Variants in ATP1A1 observed in about 807,000 individuals in gnomAD.
The protein encoded by ATP1A1 is sodium/potassium-transporting ATPase subunit alpha-1.
In ATP1A1, 14 loss-of-function variants were observed where a neutral mutation model predicts 114.8. The ratio of observed to expected loss-of-function variants is 0.12; its 90% CI spans 0.08 to 0.19. The LOEUF (loss-of-function observed/expected upper bound fraction) is 0.19, where lower values mean the gene tolerates loss of function less well. Ranked by LOEUF, ATP1A1 falls within the 10% of genes least tolerant of loss-of-function variation. The pLI is 1.00. For missense variants in ATP1A1, 524 were observed against 1,290.7 expected, an observed-to-expected ratio of 0.41 and a Z score of 9.10; for synonymous variants, 471 against 466.3, an observed-to-expected ratio of 1.01 and a Z score of -0.13.
chr1:116,389,413 C>T lies in ATP1A1; in HGVS notation c.755-26C>T. Reference sequence around the variant, plus strand: ...CCTTCAGGTTAGATACAATTAGGTACAGTTCTCCCTCCCCTTCTTTTTAAG... The same window carrying T: ...CCTTCAGGTTAGATACAATTAGGTATAGTTCTCCCTCCCCTTCTTTTTAAG... On this transcript the variant is annotated intron_variant, in intron 7 of 22. Transcript: ENST00000295598. The surrounding 1 kb of genome is among the most constrained non-coding windows in gnomAD (Gnocchi z 6.9). 3 of 1,612,150 alleles carry T rather than the reference C, an allele frequency of 1.9e-6. No homozygotes were observed. The highest frequency in any genetic ancestry group is 2.5e-6 in the Non-Finnish European group (3 of 1,178,494).
At chr1:116,374,090 CCTT>C in intron 1 of ATP1A1, 11 of 1,442,224 alleles carry the variant, frequency 7.6e-6, no homozygotes, top group South Asian at 4.3e-5. Flanking sequence ...GTTCGGGGCT[CCTT>C]CTCCTGGGGA....
rs774963508 is a variant in ATP1A1, at chr1:116,398,815, A to C, written c.2293+26A>C. ...GTGAGAGCTATTTAAGGTGTACACC[A>C]AGATCTTATTCAGATACTGCCCATT... is the stretch of plus-strand genomic sequence containing the variant. On this transcript the variant is annotated intron_variant, in intron 16 of 22. Transcript: ENST00000295598. This position sits in a 1 kb window ranked among gnomAD's most constrained non-coding sequence, Gnocchi z 6.1. 2 of 1,612,648 alleles carry C rather than the reference A, an allele frequency of 1.2e-6. No individual in the cohort carries two copies. The highest frequency in any genetic ancestry group is 1.1e-5 in the South Asian group (1 of 91,030).
chr1:116,388,445 C>A lies in ATP1A1; in HGVS notation c.502-193C>A. The A allele has an allele frequency of 1.0e-6, 1 of 959,764 alleles. No homozygotes were observed. The highest frequency in any genetic ancestry group is 1.5e-6 in the Non-Finnish European group (1 of 658,662). The allele number at this position is 959,764 out of a possible 1,614,324, so 59.5% of individuals were successfully genotyped here. A position where few individuals can be genotyped will look rare whatever the true frequency, so the allele number is the denominator to read the frequency against. On this transcript the variant is annotated intron_variant, in intron 5 of 22. Transcript: ENST00000295598. The surrounding 1 kb of genome is among the most constrained non-coding windows in gnomAD (Gnocchi z 5.6). Reference sequence around the variant, plus strand: ...TTCTTTTGAATGTAAACTCTGAATACAGGCACACCATGTAACAGCAATATC... The same window carrying A: ...TTCTTTTGAATGTAAACTCTGAATAAAGGCACACCATGTAACAGCAATATC...
Position 116,388,011 on chromosome 1 carries a change from A to G in ATP1A1, c.388-120A>G, listed in dbSNP as rs1377301940. 8.9e-6 allele frequency: 6 copies of G among 675,904 alleles called. No homozygotes were observed. Among genetic ancestry groups the G allele is most frequent in the Non-Finnish European group, 5.1e-6 (2 of 394,166 alleles). The allele number at this position is 675,904 out of a possible 1,614,324, so 41.9% of individuals were successfully genotyped here. ...GGATAAATAAGAAAACATGAGTTCT[A>G]TATTTCTGAAATCTTGGTTTCTCTA... On this transcript the variant is annotated intron_variant, in intron 4 of 22. Transcript: ENST00000295598. The surrounding 1 kb of genome is among the most constrained non-coding windows in gnomAD (Gnocchi z 5.6).
intron 1 of ATP1A1, chr1:116,373,887 GA>G: frequency 7.7e-7 from 1 of 1,300,472 alleles, no homozygotes; most frequent in Non-Finnish European, 9.7e-7. Context: ...GCGGCCCCGG[GA>G]CTGAGCCGGC....
intron 8 of ATP1A1, 168 bp from the exon 9 acceptor site, chr1:116,390,045 G>A (rs987806241): frequency 1.4e-6 from 1 of 738,640 alleles, no homozygotes; most frequent in Non-Finnish European, 2.2e-6. Context: ...TTTCTGGAAG[G>A]AAGGGGAAGC....
At chr1:116,374,856 A>G (rs1458321976) in intron 1 of ATP1A1, among the ~76,000 whole-genome samples, 2 of 151,932 alleles carry the variant, frequency 1.3e-5, no homozygotes, top group African/African-American at 2.4e-5. Flanking sequence ...CTCCTTGGGG[A>G]CTCTAAGGGA....
At position 116,404,523 on chromosome 1, in the gene ATP1A1, C is replaced by T. The variant is rs1653813668; in HGVS notation, c.*79C>T. The T allele has an allele frequency of 6.5e-7, 1 of 1,533,144 alleles. No individual in the cohort carries two copies. The allele number at this position is 1,533,144 out of a possible 1,614,324, so 95.0% of individuals were successfully genotyped here. A position where few individuals can be genotyped will look rare whatever the true frequency, so the allele number is the denominator to read the frequency against. ...CCACCCCCTCTTTGTGTACTTCAGT[C>T]TTGGAGTTTGGAACTCTACCCTGGT... On this transcript the variant is annotated 3_prime_UTR_variant, in exon 23 of 23. Transcript: ENST00000295598. This position sits in a 1 kb window ranked among gnomAD's most constrained non-coding sequence, Gnocchi z 4.8.
At position 116,395,249 on chromosome 1, in the gene ATP1A1, T is replaced by G. The variant is rs1165061765; in HGVS notation, c.1800T>G (p.Pro600=). The change falls in exon 13 of 23, where the codon CCT becomes CCG. Residue 600 remains proline (P), a synonymous_variant. Coordinates refer to ENST00000295598, the MANE Select transcript of ATP1A1 (RefSeq NM_000701.8). The surrounding 1 kb of genome is among the most constrained non-coding windows in gnomAD (Gnocchi z 6.4). The stretch of plus-strand genomic sequence containing the variant: ...TTGACCCTCCACGGGCGGCCGTTCC[T>G]GATGCCGTGGGCAAATGTCGAAGTG... ...SMIDPPRAAV[P]DAVGKCRSAG... is the part of the protein sequence containing the mutation. The G allele has an allele frequency of 1.2e-6, 2 of 1,614,164 alleles. No individual in the cohort carries two copies. Among genetic ancestry groups the G allele is most frequent in the Non-Finnish European group, 1.7e-6 (2 of 1,180,004 alleles).
intron 1 of ATP1A1, among the ~76,000 whole-genome samples, chr1:116,375,199 G>T (rs958441572): frequency 1.3e-5 from 2 of 152,250 alleles, no homozygotes; most frequent in Non-Finnish European, 2.9e-5. Context: ...TGTGCCCCAA[G>T]CCTAGGAAGG....
intron 12 of ATP1A1, 145 bp from the exon 13 acceptor site, chr1:116,394,965 C>T (rs1652786761): frequency 2.6e-6 from 2 of 755,088 alleles, no homozygotes; most frequent in Admixed American, 2.7e-5. Context: ...TAAATAAAAC[C>T]CTCACTCTGT....
chr1:116,373,791 C>T, intron 1 of ATP1A1: 1 of 1,221,864 alleles, frequency 8.2e-7, no homozygotes, highest in African/African-American at 1.6e-5. Context: ...GGGCTGCGCG[C>T]CCCGGAGGCC....
chr1:116,389,302 C>A lies in ATP1A1; in HGVS notation c.755-137C>A. ...TCCCTTTGCCAAACAGCATGTACAG[C>A]CAAAGAGCTGGCCCTTAAAAAGTGC... On this transcript the variant is annotated intron_variant, in intron 7 of 22. Transcript: ENST00000295598. This position sits in a 1 kb window ranked among gnomAD's most constrained non-coding sequence, Gnocchi z 6.9. 1 of 1,165,914 alleles carries A rather than the reference C, an allele frequency of 8.6e-7. No individual in the cohort carries two copies. The highest frequency in any genetic ancestry group is 1.2e-6 in the Non-Finnish European group (1 of 822,496). 72.2% of individuals were successfully genotyped at this position (1,165,914 alleles called of 1,614,324 possible).
In ATP1A1 at chr1:116,390,410, T is replaced by G; in HGVS notation, c.1221T>G (p.Ser407Arg). Reference protein sequence around the residue: ...IHEADTTENQSGVSFDKTSAT... With the variant: ...IHEADTTENQRGVSFDKTSAT... ...AAGCTGATACGACAGAGAATCAGAG[T>G]GGTAAGGCCAGGGTTACCACACACC... Residue 407 changes from serine (S) to arginine (R), a missense_variant and splice_region_variant, in exon 9 of 23, where the codon AGT (serine) becomes AGG (arginine). By Grantham distance (110) the Ser-to-Arg change is moderately radical. Coordinates refer to ENST00000295598, the MANE Select transcript of ATP1A1 (RefSeq NM_000701.8). The G allele has an allele frequency of 6.2e-7, 1 of 1,613,870 alleles. No homozygotes were observed. Among genetic ancestry groups the G allele is most frequent in the Non-Finnish European group, 8.5e-7 (1 of 1,179,960 alleles).
Position 116,400,923 on chromosome 1 carries a change from C to T in ATP1A1, c.2635C>T (p.Leu879Phe), listed in dbSNP as rs976897509. The change falls in exon 19 of 23, where the codon CTC becomes TTC. Residue 879 changes from leucine (L) to phenylalanine (F), a missense_variant. Transcript: ENST00000295598. ...TGTGATTCTGGCTGAGAACGGCTTC[C>T]TCCCAATTCACCTGTTGGGCCTCCG... ...YFVILAENGF[L>F]PIHLLGLRVD... The T allele has an allele frequency of 3.1e-6, 5 of 1,614,224 alleles. No individual in the cohort carries two copies. The highest frequency in any genetic ancestry group is 1.6e-4 in the Middle Eastern group (1 of 6,062).
intron 1 of ATP1A1, among the ~76,000 whole-genome samples, chr1:116,379,792 G>A (rs1452384641): frequency 1.3e-5 from 2 of 152,052 alleles, no homozygotes; most frequent in East Asian, 3.8e-4. Context: ...ATAATGTATC[G>A]ACCAGGAAAA....
chr1:116,400,677 G>A (rs1653388433), intron 18 of ATP1A1, among the ~76,000 whole-genome samples, 184 bp from the exon 19 acceptor site: 1 of 152,046 alleles, frequency 6.6e-6, no homozygotes, highest in African/African-American at 2.4e-5. Flanking sequence ...TGTATGCCTG[G>A]GGTCCTCCAT....
intron 3 of ATP1A1, chr1:116,386,049 C>A (rs1652056211): frequency 7.1e-6 from 1 of 141,708 alleles, no homozygotes; most frequent in Admixed American, 7.6e-5. Context: ...CTGCTTAAAC[C>A]TGGGAGGTGG....
chr1:116,396,431 GT>G (rs1317106067), intron 13 of ATP1A1, among the ~76,000 whole-genome samples, 166 bp from the exon 14 acceptor site: 3 of 151,976 alleles, frequency 2.0e-5, no homozygotes, highest in Non-Finnish European at 4.4e-5. Flanking sequence ...GGATATATAT[GT>G]TTATATTTTT....
Sources: gnomAD v4.1 joint callset for allele counts (sites outside exome capture counted in the v4.1 genomes callset) on GRCh38, gnomAD v4.1.1 for gene constraint, Gnocchi (gnomAD v3.1) non-coding constraint, MANE v1.5 for transcripts, NCBI Gene and HGNC (gene_info 2026-07-23, HGNC 2026-07-21) for gene names.